DOK5: variants seen among roughly 807,000 people sequenced by gnomAD.
The protein encoded by DOK5 is downstream of tyrosine kinase 5.
Under a neutral mutation model 43.3 loss-of-function variants are expected in DOK5, and 27 were observed. That is an observed-to-expected ratio of 0.62 (90% CI 0.46 to 0.86). The LOEUF (loss-of-function observed/expected upper bound fraction) is 0.86, where lower values mean the gene tolerates loss of function less well. Among genes scored for constraint, DOK5 ranks in the 40% least tolerant of loss-of-function variants. The probability of loss-of-function intolerance (pLI) is 0.00; values close to 1 mark genes in which losing one functional copy is unlikely to be tolerated. For missense variants in DOK5, 373 were observed against 392.9 expected (o/e 0.95, Z 0.43); for synonymous variants, 146 against 140.1 (o/e 1.04, Z -0.30).
chr20:54,644,723 A>AAAAAAAAAAAAAACAAAAAAAAACAC (rs1555839841), intron 7 of DOK5, among the ~76,000 whole-genome samples: 1 of 142,480 alleles, frequency 7.0e-6, no homozygotes. Flanking sequence ...AAAAAAAAAA[A>AAAAAAAAAAAAAACAAAAAAAAACAC]ACAAAATTTA....
intron 5 of DOK5, among the ~76,000 whole-genome samples, chr20:54,606,139 A>G (rs1207684929): frequency 3.3e-5 from 5 of 152,238 alleles, no homozygotes; most frequent in Non-Finnish European, 5.9e-5. Flanking sequence ...TGAATAATCC[A>G]TGATTCGGAG....
At chr20:54,510,976 T>A (rs1385902423) in intron 1 of DOK5, among the ~76,000 whole-genome samples, 1 of 152,180 alleles carries the variant, frequency 6.6e-6, no homozygotes, top group Non-Finnish European at 1.5e-5. Context: ...CAAACCCACA[T>A]CACCAGGCTT....
intron 1 of DOK5, among the ~76,000 whole-genome samples, chr20:54,481,375 G>A (rs1023474386): frequency 5.3e-5 from 8 of 151,970 alleles, no homozygotes; most frequent in Non-Finnish European, 1.0e-4. Context: ...TCACCATGTT[G>A]GCCAGGCTGG....
intron 1 of DOK5, among the ~76,000 whole-genome samples, chr20:54,522,807 G>A (rs536513741): frequency 6.6e-6 from 1 of 152,132 alleles, no homozygotes; most frequent in Admixed American, 6.5e-5. Flanking sequence ...GAGCCACCGC[G>A]CCTGGCCCAA....
intron 2 of DOK5, among the ~76,000 whole-genome samples, chr20:54,573,512 C>A (rs1985357404): frequency 6.6e-6 from 1 of 151,694 alleles, no homozygotes; most frequent in Non-Finnish European, 1.5e-5. Context: ...ATGGTGAAAC[C>A]CCATCTCTAC....
At chr20:54,500,866 A>G (rs1464563337) in intron 1 of DOK5, among the ~76,000 whole-genome samples, 1 of 151,850 alleles carries the variant, frequency 6.6e-6, no homozygotes, top group African/African-American at 2.4e-5. Flanking sequence ...CCGGCCGTGT[A>G]TATTTTTAAA....
chr20:54,489,994 A>G (rs189755590), intron 1 of DOK5, among the ~76,000 whole-genome samples: 231 of 152,330 alleles, frequency 1.5e-3, no homozygotes, highest in Non-Finnish European at 2.6e-3. Context: ...ACGTTTTGCT[A>G]GTCTACGAGG....
chr20:54,553,335 G>A (rs1343173727), intron 1 of DOK5, among the ~76,000 whole-genome samples: 7 of 151,968 alleles, frequency 4.6e-5, no homozygotes, highest in Non-Finnish European at 1.0e-4. Flanking sequence ...AGCTGGGACG[G>A]CAGGTGCCCG....
intron 2 of DOK5, among the ~76,000 whole-genome samples, chr20:54,565,024 C>T (rs868319005): frequency 1.9e-4 from 29 of 152,068 alleles, no homozygotes; most frequent in South Asian, 4.1e-4. Context: ...TTTTCTCTTC[C>T]TTCAGGGATT....
At chr20:54,491,651 C>T (rs1307581690) in intron 1 of DOK5, among the ~76,000 whole-genome samples, 1 of 152,194 alleles carries the variant, frequency 6.6e-6, no homozygotes, top group Non-Finnish European at 1.5e-5. Context: ...CTTCCCCCAC[C>T]AGCTGTTCAC....
chr20:54,504,702 A>G (rs1362996681), intron 1 of DOK5, among the ~76,000 whole-genome samples: 1 of 152,210 alleles, frequency 6.6e-6, no homozygotes, highest in Non-Finnish European at 1.5e-5. Flanking sequence ...AGATGATCAT[A>G]TGGTAGACAG....
intron 5 of DOK5, among the ~76,000 whole-genome samples, chr20:54,595,448 G>A (rs188196831): frequency 7.9e-5 from 12 of 152,316 alleles, no homozygotes; most frequent in African/African-American, 2.9e-4. Flanking sequence ...AACAATGGTG[G>A]ATGAAAAGAT....
chr20:54,619,026 TATA>T (rs1568814407), intron 6 of DOK5, among the ~76,000 whole-genome samples: 1,223 of 42,752 alleles, frequency 0.029, 52 homozygotes, highest in Non-Finnish European at 0.053. Context: ...CAATAAATTA[TATA>T]TATATATATA....
chr20:54,613,327 G>T (rs980472262), intron 6 of DOK5, among the ~76,000 whole-genome samples: 33 of 152,016 alleles, frequency 2.2e-4, no homozygotes, highest in African/African-American at 8.0e-4. Context: ...AATGGGGAAT[G>T]ATATAATTTA....
At chr20:54,641,465 GGA>G (rs1979107548) in intron 6 of DOK5, among the ~76,000 whole-genome samples, 1 of 151,094 alleles carries the variant, frequency 6.6e-6, no homozygotes, top group Non-Finnish European at 1.5e-5. Flanking sequence ...TGTGTACAGT[GGA>G]GACTTTTTTT....
At chr20:54,571,534 T>C (rs1428642849) in intron 2 of DOK5, among the ~76,000 whole-genome samples, 1 of 152,190 alleles carries the variant, frequency 6.6e-6, no homozygotes, top group East Asian at 1.9e-4. Context: ...TTGTAGGACC[T>C]TTGGCAGCAT....
chr20:54,579,630 C>A (rs1985570407), intron 2 of DOK5, among the ~76,000 whole-genome samples: 1 of 152,094 alleles, frequency 6.6e-6, no homozygotes, highest in Admixed American at 6.5e-5. Context: ...CTTTAGATAA[C>A]CTCATATAAG....
chr20:54,608,289 C>A (rs1314319585), intron 5 of DOK5, among the ~76,000 whole-genome samples: 1 of 152,182 alleles, frequency 6.6e-6, no homozygotes, highest in African/African-American at 2.4e-5. Flanking sequence ...ACCTCTGCCC[C>A]AGGGGAAACC....
chr20:54,483,484 G>T lies in DOK5; in HGVS notation c.66+7472G>T, dbSNP rs1006448527. Among the ~76,000 whole-genome samples, 5 of 152,136 alleles carry T rather than the reference G, an allele frequency of 3.3e-5. No homozygotes were observed. The East Asian group carries it at 9.6e-4, about 29-fold the overall frequency. On this transcript the variant is annotated intron_variant, in intron 1 of 7. Coordinates refer to ENST00000262593, the MANE Select transcript of DOK5 (RefSeq NM_018431.5). ...AATTTTTGATTTGTATTATTAACAA[G>T]AGATTAATGTATTCACTATAGTTAA...
Sources: gnomAD v4.1 joint callset for allele counts (sites outside exome capture counted in the v4.1 genomes callset) on GRCh38, gnomAD v4.1.1 for gene constraint, MANE v1.5 for transcripts, NCBI Gene and HGNC (gene_info 2026-07-23, HGNC 2026-07-21) for gene names.